TENT5D: variants seen among roughly 807,000 people sequenced by gnomAD.
The protein encoded by TENT5D is terminal nucleotidyltransferase 5D.
For synonymous variants in TENT5D, 103 were observed against 100.6 expected (o/e 1.02, Z -0.15); for missense variants, 191 against 287.0 (o/e 0.67, Z 2.42).
intron 3 of TENT5D, among the ~76,000 whole-genome samples, chrX:80,386,258 T>G (rs1931002642): frequency 9.0e-6 from 1 of 111,587 alleles, no homozygotes; most frequent in African/African-American, 3.3e-5. Flanking sequence ...AAAGGATGAG[T>G]TCATGTCCTT....
At chrX:80,366,830 A>G (rs1049877877) in intron 3 of TENT5D, among the ~76,000 whole-genome samples, 2 of 111,714 alleles carry the variant, frequency 1.8e-5, no homozygotes, top group Non-Finnish European at 3.8e-5. Context: ...CTCCAAGACT[A>G]TCATATTTTC....
intron 3 of TENT5D, among the ~76,000 whole-genome samples, chrX:80,402,997 T>TA (rs987084779): frequency 2.7e-5 from 3 of 112,128 alleles, no homozygotes; most frequent in Non-Finnish European, 3.8e-5. Context: ...CCCCTACTAT[T>TA]ATTGCATTGC....
intron 3 of TENT5D, among the ~76,000 whole-genome samples, chrX:80,376,173 G>T (rs989055692): frequency 3.7e-5 from 4 of 109,276 alleles, no homozygotes; most frequent in African/African-American, 1.3e-4. Context: ...TATTCCATTT[G>T]ATTTTAATTT....
At chrX:80,363,518 A>G (rs1233172284) in intron 3 of TENT5D, among the ~76,000 whole-genome samples, 1 of 112,401 alleles carries the variant, frequency 8.9e-6, no homozygotes, top group Non-Finnish European at 1.9e-5. Context: ...TCTTTTATAC[A>G]AAACTATTTA....
intron 3 of TENT5D, among the ~76,000 whole-genome samples, chrX:80,385,379 C>T (rs1376907439): frequency 1.8e-5 from 2 of 111,518 alleles, no homozygotes; most frequent in Non-Finnish European, 3.8e-5. Flanking sequence ...ATATAGAAAG[C>T]TGAAACTGGA....
chrX:80,336,048 A>G lies in TENT5D; in HGVS notation c.-207+332A>G, dbSNP rs1929843552. Among the ~76,000 whole-genome samples, 3 of 110,678 alleles carry G rather than the reference A, an allele frequency of 2.7e-5. No individual in the cohort carries two copies. In the South Asian group the frequency reaches 1.2e-3, roughly 43 times the overall value. On this transcript the variant is annotated intron_variant, in intron 2 of 4. Coordinates refer to the TENT5D transcript ENST00000538312. ...TTATTAGACACTATGGATTTATGGA[A>G]AGGAAGGGCATCCTGGGAATTGTCG...
chrX:80,441,647 C>T (rs1415265514), intron 2 of TENT5D, among the ~76,000 whole-genome samples: 1 of 111,262 alleles, frequency 9.0e-6, no homozygotes, highest in Non-Finnish European at 1.9e-5. Context: ...TTGTACATAA[C>T]AACATAATTG....
chrX:80,366,501 T>C (rs1182694280), intron 3 of TENT5D, among the ~76,000 whole-genome samples: 1 of 111,499 alleles, frequency 9.0e-6, no homozygotes, highest in Admixed American at 9.6e-5. Context: ...ATTAAAGAAC[T>C]TTTTGTAATT....
chrX:80,392,428 G>C (rs968254247), intron 3 of TENT5D, among the ~76,000 whole-genome samples: 9 of 106,151 alleles, frequency 8.5e-5, no homozygotes, highest in Non-Finnish European at 1.2e-4. Flanking sequence ...ATTCTTAATG[G>C]GCCAATTTCT....
chrX:80,425,239 G>T (rs1410143429), intron 1 of TENT5D, among the ~76,000 whole-genome samples: 3 of 112,683 alleles, frequency 2.7e-5, no homozygotes, highest in African/African-American at 9.7e-5. Context: ...ACCAGGCAGA[G>T]AGAAACAAAC....
At chrX:80,378,634 C>T (rs1930783279) in intron 3 of TENT5D, among the ~76,000 whole-genome samples, 1 of 111,098 alleles carries the variant, frequency 9.0e-6, no homozygotes, top group Non-Finnish European at 1.9e-5. Flanking sequence ...TTCCATTAGG[C>T]TATATCTCTG....
intron 1 of TENT5D, among the ~76,000 whole-genome samples, chrX:80,429,459 C>T (rs997510924): frequency 1.8e-5 from 2 of 108,558 alleles, no homozygotes; most frequent in East Asian, 2.9e-4. Flanking sequence ...CCTGCCACCA[C>T]GCCCAGCTAA....
chrX:80,383,817 C>T (rs756291294), intron 3 of TENT5D, among the ~76,000 whole-genome samples: 10 of 110,769 alleles, frequency 9.0e-5, no homozygotes, highest in African/African-American at 1.6e-4. Flanking sequence ...GATTGTGCCA[C>T]GGCACTCTAG....
chrX:80,409,145 C>A (rs927095747), intron 3 of TENT5D, among the ~76,000 whole-genome samples: 3 of 109,680 alleles, frequency 2.7e-5, no homozygotes, highest in African/African-American at 9.9e-5. Flanking sequence ...CAATATCATA[C>A]TGAATGGGCA....
chrX:80,354,970 G>A (rs1437969600), intron 3 of TENT5D, among the ~76,000 whole-genome samples: 1 of 111,586 alleles, frequency 9.0e-6, no homozygotes, highest in Admixed American at 9.5e-5. Flanking sequence ...CTTTCAGGGG[G>A]CAAGTGCTCA....
At chrX:80,410,244 G>A (rs1931619441) in intron 3 of TENT5D, among the ~76,000 whole-genome samples, 1 of 107,912 alleles carries the variant, frequency 9.3e-6, no homozygotes, top group Admixed American at 1.0e-4. Flanking sequence ...TTGACAAATG[G>A]GATCTAATTA....
At chrX:80,370,864 C>T (rs1930611998) in intron 3 of TENT5D, among the ~76,000 whole-genome samples, 1 of 111,204 alleles carries the variant, frequency 9.0e-6, no homozygotes, top group Admixed American at 9.6e-5. Flanking sequence ...TATGACAATA[C>T]AATATGAGGT....
At chrX:80,338,070 G>A (rs1212516196) in intron 2 of TENT5D, among the ~76,000 whole-genome samples, 1 of 112,006 alleles carries the variant, frequency 8.9e-6, no homozygotes, top group Non-Finnish European at 1.9e-5. Flanking sequence ...TTTCACTGTA[G>A]GCACAATTAT....
intron 1 of TENT5D, among the ~76,000 whole-genome samples, chrX:80,421,899 T>A (rs994422844): frequency 1.8e-5 from 2 of 110,859 alleles, no homozygotes; most frequent in African/African-American, 6.6e-5. Flanking sequence ...GTGTTGGAAA[T>A]GCTTGAAGAA....
Sources: gnomAD v4.1 joint callset for allele counts (sites outside exome capture counted in the v4.1 genomes callset) on GRCh38, gnomAD v4.1.1 for gene constraint, MANE v1.5 for transcripts, NCBI Gene and HGNC (gene_info 2026-07-23, HGNC 2026-07-21) for gene names.